EIF3A: variants seen among roughly 807,000 people sequenced by gnomAD.
EIF3A encodes the protein eukaryotic translation initiation factor 3 subunit A.
EIF3A carries 21 observed loss-of-function variants against 186.6 expected under a neutral mutation model. The observed-to-expected ratio is 0.11, with a 90% CI of 0.08 to 0.16. The LOEUF (loss-of-function observed/expected upper bound fraction) is 0.16. Among genes scored for constraint, EIF3A ranks in the 10% least tolerant of loss-of-function variants. The pLI is 1.00. For missense variants in EIF3A, 1,306 were observed against 1,796.3 expected, an observed-to-expected ratio of 0.73 and a Z score of 4.93; for synonymous variants, 563 against 584.3, an observed-to-expected ratio of 0.96 and a Z score of 0.52.
At chr10:119,064,810 C>A (rs1422918225) in intron 7 of EIF3A, among the ~76,000 whole-genome samples, 1 of 152,166 alleles carries the variant, frequency 6.6e-6, no homozygotes, top group Non-Finnish European at 1.5e-5. Context: ...CGGGTTCCAG[C>A]GATTCTCCTG....
chr10:119,074,009 G>A, intron 1 of EIF3A, 72 bp from the exon 2 acceptor site: 1 of 1,292,116 alleles, frequency 7.7e-7, no homozygotes, highest in African/African-American at 1.5e-5. Flanking sequence ...TTTTTAAACA[G>A]CTATTTCAAT....
intron 1 of EIF3A, among the ~76,000 whole-genome samples, chr10:119,076,006 G>GT (rs1564762601): frequency 6.8e-6 from 1 of 146,316 alleles, no homozygotes; most frequent in Non-Finnish European, 1.5e-5. Context: ...GGATACAGGC[G>GT]TGAGCCACCG....
At chr10:119,058,342 A>T (rs2119819348) in intron 11 of EIF3A, 39 bp from the exon 12 acceptor site, 1 of 1,407,034 alleles carries the variant, frequency 7.1e-7, no homozygotes. Flanking sequence ...GACCAAAATT[A>T]ACATTCTCTG....
chr10:119,045,842 T>C (rs926097516), intron 17 of EIF3A, among the ~76,000 whole-genome samples: 1 of 152,128 alleles, frequency 6.6e-6, no homozygotes, highest in African/African-American at 2.4e-5. Context: ...GCTGAGATTA[T>C]AGGCGTGAAC....
intron 14 of EIF3A, among the ~76,000 whole-genome samples, chr10:119,054,044 CTGAG>C (rs752805207): frequency 1.3e-5 from 2 of 152,162 alleles, no homozygotes; most frequent in Admixed American, 6.5e-5. Context: ...CCTCAGCCTC[CTGAG>C]TATCTGGGAT....
At position 119,035,967 on chromosome 10, in the gene EIF3A, G is replaced by T; in HGVS notation, c.*72C>A. ...AAGAATCCAATTTAGATTGGTTGAA[G>T]CACAAGTATAATAATCCTTGAATGT... On this transcript the variant is annotated 3_prime_UTR_variant, in exon 22 of 22. Coordinates refer to ENST00000369144, the MANE Select transcript of EIF3A (RefSeq NM_003750.4). The T allele has an allele frequency of 8.6e-7, 1 of 1,164,436 alleles. No individual in the cohort carries two copies. Among genetic ancestry groups the T allele is most frequent in the Non-Finnish European group, 1.3e-6 (1 of 781,800 alleles). 72.1% of individuals were successfully genotyped at this position (1,164,436 alleles called of 1,614,324 possible).
intron 17 of EIF3A, among the ~76,000 whole-genome samples, chr10:119,045,465 A>G (rs1179028030): frequency 6.6e-6 from 1 of 152,234 alleles, no homozygotes; most frequent in Non-Finnish European, 1.5e-5. Flanking sequence ...AAAGGAATTT[A>G]TGGGCAACAC....
rs114820666 is a variant in EIF3A at position 119,073,620 on chromosome 10, T to C, written c.241-43A>G. On this transcript the variant is annotated intron_variant, in intron 2 of 21. Coordinates refer to ENST00000369144, the MANE Select transcript of EIF3A (RefSeq NM_003750.4). Reference sequence around the variant, plus strand: ...AAACTCTTCAGAACTTATTTTTCCATTGAACCATAAGATGTTTTAAAGGCA... The same window carrying C: ...AAACTCTTCAGAACTTATTTTTCCACTGAACCATAAGATGTTTTAAAGGCA... The C allele has an allele frequency of 5.9e-5, 95 of 1,598,888 alleles. No homozygotes were observed. In the African/African-American group the frequency reaches 5.9e-4, roughly 10 times the overall value.
intron 1 of EIF3A, among the ~76,000 whole-genome samples, chr10:119,076,029 ACTTTTT>A (rs1285857225): frequency 6.7e-6 from 1 of 148,172 alleles, no homozygotes; most frequent in Admixed American, 6.7e-5. Context: ...CCCAGCCAAT[ACTTTTT>A]CTTTTAAGAG....
chr10:119,042,154 G>C lies in EIF3A; in HGVS notation c.3366C>G (p.Asn1122Lys), dbSNP rs756641321. ...GCCTGGGAATTCTGTCATCATCGGC[G>C]TTCCTCCAAGGTCCTCGATCATCAT... ...GLDDDRGPWR[N>K]ADDDRIPRRG... Residue 1122 changes from asparagine to lysine, a missense_variant, in exon 19 of 22, where the codon AAC (asparagine) becomes AAG (lysine). Asn to Lys is a moderately conservative substitution (Grantham distance 94). Coordinates refer to ENST00000369144, the MANE Select transcript of EIF3A (RefSeq NM_003750.4). The surrounding 1 kb of genome is among the most constrained non-coding windows in gnomAD (Gnocchi z 7.8). 2 of 1,613,840 alleles carry C rather than the reference G, an allele frequency of 1.2e-6. No individual in the cohort carries two copies. The highest frequency in any genetic ancestry group is 2.2e-5 in the East Asian group (1 of 44,862).
At chr10:119,043,904 A>C (rs1023158329) in intron 18 of EIF3A, 150 bp downstream of exon 18, 82 of 637,084 alleles carry the variant, frequency 1.3e-4, no homozygotes, top group Non-Finnish European at 1.8e-4. Flanking sequence ...GACCCAAAAA[A>C]ACAAAATACA....
chr10:119,071,120 T>G, intron 4 of EIF3A, 35 bp from the exon 5 acceptor site: 4 of 1,374,612 alleles, frequency 2.9e-6, no homozygotes, highest in Non-Finnish European at 4.2e-6. Flanking sequence ...TTAGGTACCT[T>G]CCACTATCTA....
In EIF3A at chr10:119,059,328, C is replaced by A. The variant is rs1843844328; in HGVS notation, c.1513G>T (p.Ala505Ser). ...CTTTGCAAATGAGGACCAATCGGAG[C>A]ATCTTCTCGAGTAGCATAATTCAAA... ...SDLNYATRED[A>S]PIGPHLQSMP... Residue 505 changes from alanine to serine, a missense_variant, in exon 11 of 22, where the codon GCT becomes TCT. Physicochemically the swap from Ala to Ser is moderately conservative, Grantham distance 99. This residue lies in a region of EIF3A where 267 missense variants were observed against 367.8 expected (regional missense o/e 0.73). Transcript: ENST00000369144. The A allele has an allele frequency of 4.3e-6, 7 of 1,613,228 alleles. No homozygotes were observed. Among genetic ancestry groups the A allele is most frequent in the Non-Finnish European group, 5.9e-6 (7 of 1,179,652 alleles).
intron 5 of EIF3A, among the ~76,000 whole-genome samples, chr10:119,070,224 A>T (rs1844050003): frequency 6.6e-6 from 1 of 152,210 alleles, no homozygotes; most frequent in African/African-American, 2.4e-5. Context: ...AGGTCACATG[A>T]CTACAAAATT....
At chr10:119,051,846 C>T (rs192694524) in intron 14 of EIF3A, among the ~76,000 whole-genome samples, 18 of 152,286 alleles carry the variant, frequency 1.2e-4, no homozygotes, top group Admixed American at 8.5e-4. Flanking sequence ...GCCTGGACAA[C>T]ATGGTGAGAC....
At chr10:119,052,774 A>C (rs779998605) in intron 14 of EIF3A, among the ~76,000 whole-genome samples, 2 of 152,134 alleles carry the variant, frequency 1.3e-5, no homozygotes, top group Non-Finnish European at 2.9e-5. Flanking sequence ...TGAGGCTTGG[A>C]ATCAACTTCT....
intron 19 of EIF3A, among the ~76,000 whole-genome samples, chr10:119,040,493 T>A (rs546227174): frequency 1.3e-5 from 2 of 152,300 alleles, no homozygotes; most frequent in African/African-American, 4.8e-5. Flanking sequence ...GGATAGGCTG[T>A]GTTAGACATT....
chr10:119,043,494 G>A (rs1021269285), intron 18 of EIF3A, among the ~76,000 whole-genome samples: 2 of 151,242 alleles, frequency 1.3e-5, no homozygotes, highest in African/African-American at 4.9e-5. Context: ...CGCACCTGTG[G>A]TCCCAGCTAC....
chr10:119,035,085 C>T lies in EIF3A; in HGVS notation c.*954G>A, dbSNP rs1848110253. On this transcript the variant is annotated 3_prime_UTR_variant, in exon 22 of 22. Coordinates refer to ENST00000369144, the MANE Select transcript of EIF3A (RefSeq NM_003750.4). ...ATTTATCACTGAAGAAAAAACACAG[C>T]AGCAAGTTCTGTGTTGGCTTCAATG... 6.6e-6 allele frequency: 1 copy of T among 152,530 alleles called. No homozygotes were observed. The highest frequency in any genetic ancestry group is 1.5e-5 in the Non-Finnish European group (1 of 68,004). The allele number at this position is 152,530 out of a possible 1,614,324, so 9.4% of individuals were successfully genotyped here.
Sources: allele counts gnomAD v4.1 joint callset (sites outside exome capture counted in the v4.1 genomes callset), GRCh38; gene constraint gnomAD v4.1.1; regional missense constraint gnomAD v4.1.1; non-coding constraint Gnocchi (gnomAD v3.1); transcripts MANE v1.5; gene names NCBI Gene and HGNC (gene_info 2026-07-23, HGNC 2026-07-21).